RSPO2: variants seen among roughly 807,000 people sequenced by gnomAD.
RSPO2 encodes the protein R-spondin-2.
A neutral mutation model predicts 30.9 loss-of-function variants in RSPO2; 14 were observed. That is an observed-to-expected ratio of 0.45 (90% CI 0.30 to 0.71). The LOEUF (loss-of-function observed/expected upper bound fraction) is 0.71. Ranked by LOEUF, RSPO2 falls within the 30% of genes least tolerant of loss-of-function variation. The pLI, the probability that RSPO2 is intolerant of heterozygous loss-of-function variation, is 0.08. For missense variants in RSPO2, 264 were observed against 301.9 expected (o/e 0.87, Z 0.93); for synonymous variants, 107 against 96.4 (o/e 1.11, Z -0.64).
intron 3 of RSPO2, among the ~76,000 whole-genome samples, chr8:107,986,701 A>G (rs1467528563): frequency 6.6e-6 from 1 of 152,154 alleles, no homozygotes; most frequent in Non-Finnish European, 1.5e-5. Context: ...ATATAAGTAC[A>G]TACAATGCTA....
At chr8:107,932,596 A>C (rs531453420) in intron 5 of RSPO2, among the ~76,000 whole-genome samples, 1 of 152,288 alleles carries the variant, frequency 6.6e-6, no homozygotes, top group South Asian at 2.1e-4. Flanking sequence ...GGAAAAGAAG[A>C]GCTAAGGCCT....
At chr8:107,993,436 A>G (rs1445290819) in intron 2 of RSPO2, among the ~76,000 whole-genome samples, 2 of 152,198 alleles carry the variant, frequency 1.3e-5, no homozygotes, top group African/African-American at 2.4e-5. Flanking sequence ...ATTCACATAC[A>G]TTATGCTGGT....
intron 2 of RSPO2, among the ~76,000 whole-genome samples, chr8:108,074,540 A>G (rs982010454): frequency 3.9e-5 from 6 of 152,206 alleles, no homozygotes; most frequent in Non-Finnish European, 7.3e-5. Flanking sequence ...AAACATACTT[A>G]TGGTCCTGCC....
intron 2 of RSPO2, among the ~76,000 whole-genome samples, chr8:108,080,374 C>A (rs1341957606): frequency 6.6e-6 from 1 of 152,050 alleles, no homozygotes; most frequent in Non-Finnish European, 1.5e-5. Context: ...ACACCCTTAC[C>A]AATTTACACG....
At chr8:107,987,842 T>C (rs1040846021) in intron 3 of RSPO2, among the ~76,000 whole-genome samples, 1 of 152,192 alleles carries the variant, frequency 6.6e-6, no homozygotes, top group Non-Finnish European at 1.5e-5. Flanking sequence ...CTTGCCTGAA[T>C]AGACACATAC....
intron 2 of RSPO2, among the ~76,000 whole-genome samples, chr8:108,002,677 T>G (rs758668551): frequency 2.0e-5 from 3 of 152,280 alleles, no homozygotes; most frequent in Non-Finnish European, 2.9e-5. Context: ...ACTAGATGAC[T>G]TATTTGGTGT....
At chr8:107,991,249 A>AACACACAC (rs60247229) in intron 2 of RSPO2, among the ~76,000 whole-genome samples, 1,794 of 133,448 alleles carry the variant, frequency 0.013, 46 homozygotes, top group African/African-American at 0.045. Flanking sequence ...CTCCATCTCA[A>AACACACAC]ACACACACAC....
chr8:107,951,743 C>G (rs185992165), intron 5 of RSPO2, among the ~76,000 whole-genome samples: 114 of 152,206 alleles, frequency 7.5e-4, no homozygotes, highest in Middle Eastern at 3.5e-3. Context: ...CTCCCGGCCC[C>G]CAAGGCAAGC....
chr8:107,904,803 G>A (rs951087664), intron 5 of RSPO2, among the ~76,000 whole-genome samples: 6 of 152,042 alleles, frequency 3.9e-5, no homozygotes, highest in Non-Finnish European at 4.4e-5. Flanking sequence ...AGGATGAAAG[G>A]AAGATGTGTA....
chr8:107,931,350 G>A (rs1812548433), intron 5 of RSPO2, among the ~76,000 whole-genome samples: 2 of 152,104 alleles, frequency 1.3e-5, no homozygotes, highest in African/African-American at 2.4e-5. Context: ...CCAAAGTCCA[G>A]TAAAGCCCTT....
chr8:107,991,459 AC>A (rs1814846404), intron 2 of RSPO2, among the ~76,000 whole-genome samples: 1 of 152,092 alleles, frequency 6.6e-6, no homozygotes, highest in Admixed American at 6.6e-5. Flanking sequence ...CTGGAAGAAA[AC>A]CTAGGTAATA....
rs56727719 is a variant in RSPO2 at position 108,057,055 on chromosome 8, C to CAAAAAAA, written c.94+25483_94+25489dup. ...CTGGCAACAGAGTGAGACTCTGTCT[C>CAAAAAAA]AAAAAAAAAAAAAAAAAAAAAAAAA... On this transcript the variant is annotated intron_variant, in intron 2 of 5. Coordinates refer to ENST00000276659, the MANE Select transcript of RSPO2 (RefSeq NM_178565.5). Among the ~76,000 whole-genome samples, 218 of 36,078 alleles carry CAAAAAAA rather than the reference C, an allele frequency of 6.0e-3. 18 individuals carry two copies. The highest frequency in any genetic ancestry group is 7.6e-3 in the Non-Finnish European group (152 of 19,940). 23.7% of individuals were successfully genotyped at this position (36,078 alleles called of 152,430 possible). A position where few individuals can be genotyped will look rare whatever the true frequency, so the allele number is the denominator to read the frequency against.
Position 108,024,961 on chromosome 8 carries a change from G to A in RSPO2, c.95-35717C>T, listed in dbSNP as rs532646379. Among the ~76,000 whole-genome samples, 17 of 152,248 alleles carry A rather than the reference G, an allele frequency of 1.1e-4. No homozygotes were observed. In the South Asian group the frequency reaches 3.5e-3, roughly 32 times the overall value. Reference sequence around the variant, plus strand: ...CTTGAGCCCAGGAGGCAGAGGGGCAGCGAGCCGAGATCATGCCACTGTACT... The same window carrying A: ...CTTGAGCCCAGGAGGCAGAGGGGCAACGAGCCGAGATCATGCCACTGTACT... On this transcript the variant is annotated intron_variant, in intron 2 of 5. Transcript: ENST00000276659.
chr8:107,992,204 C>CACACACACACACACACACA (rs71308765), intron 2 of RSPO2, among the ~76,000 whole-genome samples: 1 of 151,150 alleles, frequency 6.6e-6, no homozygotes, highest in African/African-American at 2.4e-5. Context: ...CACACACACA[C>CACACACACACACACACACA]CATGGAATAC....
intron 5 of RSPO2, among the ~76,000 whole-genome samples, chr8:107,925,931 G>T (rs112062278): frequency 1.8e-4 from 28 of 152,224 alleles, no homozygotes; most frequent in African/African-American, 6.5e-4. Context: ...GTAATGAGAT[G>T]GCTGGGTCAA....
At chr8:107,905,791 A>C (rs1429741092) in intron 5 of RSPO2, among the ~76,000 whole-genome samples, 1 of 148,314 alleles carries the variant, frequency 6.7e-6, no homozygotes, top group Non-Finnish European at 1.5e-5. Context: ...TTTTTCCCAT[A>C]TGGGCAACTT....
chr8:107,979,881 T>TC (rs1175624955), intron 3 of RSPO2, among the ~76,000 whole-genome samples: 1 of 152,140 alleles, frequency 6.6e-6, no homozygotes, highest in Non-Finnish European at 1.5e-5. Flanking sequence ...TCTCTGTGCC[T>TC]CCTCTCTGGC....
chr8:107,963,369 A>G (rs1311940205), intron 3 of RSPO2, among the ~76,000 whole-genome samples: 1 of 151,626 alleles, frequency 6.6e-6, no homozygotes, highest in Non-Finnish European at 1.5e-5. Context: ...CCCCATCTCT[A>G]AGAAATTAGC....
At chr8:108,070,278 CTTTTTT>C (rs1050611219) in intron 2 of RSPO2, among the ~76,000 whole-genome samples, 5 of 81,204 alleles carry the variant, frequency 6.2e-5, no homozygotes, top group African/African-American at 1.5e-4. Flanking sequence ...GACCCCATCT[CTTTTTT>C]TTTTTTTTTT....
Sources: allele counts gnomAD v4.1 joint callset (sites outside exome capture counted in the v4.1 genomes callset), GRCh38; gene constraint gnomAD v4.1.1; transcripts MANE v1.5; gene names NCBI Gene and HGNC (gene_info 2026-07-23, HGNC 2026-07-21).